Variants in DIP2C observed in about 807,000 individuals in gnomAD.
The protein encoded by DIP2C is DIP2 acetate--CoA ligase C (putative), also known as disco-interacting protein 2 homolog C.
DIP2C carries 33 observed loss-of-function variants against 192.4 expected under a neutral mutation model. The observed-to-expected ratio is 0.17, with a 90% CI of 0.13 to 0.23. The LOEUF (loss-of-function observed/expected upper bound fraction) is 0.23, where lower values mean the gene tolerates loss of function less well. Ranked by LOEUF, DIP2C falls within the 10% of genes least tolerant of loss-of-function variation. DIP2C has a pLI of 1.00. For missense variants in DIP2C, 1,537 were observed against 2,110.1 expected (o/e 0.73, Z 5.32); for synonymous variants, 979 against 864.1 (o/e 1.13, Z -2.33).
intron 1 of DIP2C, among the ~76,000 whole-genome samples, chr10:566,544 C>A (rs1849477489): frequency 6.6e-6 from 1 of 152,254 alleles, no homozygotes; most frequent in African/African-American, 2.4e-5. Context: ...GATAGCAACA[C>A]AGATGCTGCT....
At chr10:391,733 C>G (rs1425918490) in intron 10 of DIP2C, among the ~76,000 whole-genome samples, 3 of 152,212 alleles carry the variant, frequency 2.0e-5, no homozygotes, top group African/African-American at 7.2e-5. Context: ...TCTTCGCTCC[C>G]CAGATGGCTC....
intron 32 of DIP2C, among the ~76,000 whole-genome samples, chr10:294,918 A>G (rs924080724): frequency 2.0e-5 from 3 of 152,180 alleles, no homozygotes; most frequent in Admixed American, 2.0e-4. Context: ...CTCACCAGAC[A>G]GGGGATTAAT....
chr10:306,614 G>T (rs1956336720), intron 32 of DIP2C, among the ~76,000 whole-genome samples: 1 of 152,218 alleles, frequency 6.6e-6, no homozygotes, highest in Admixed American at 6.5e-5. Flanking sequence ...TTTATAGGAA[G>T]AGTAACAAGA....
At chr10:626,769 C>T (rs895129512) in intron 1 of DIP2C, among the ~76,000 whole-genome samples, 1 of 140,688 alleles carries the variant, frequency 7.1e-6, no homozygotes, top group African/African-American at 3.2e-5. Context: ...TCACTGTTGC[C>T]CAGGAAGGAT....
chr10:586,461 G>A (rs951269198), intron 1 of DIP2C, among the ~76,000 whole-genome samples: 10 of 145,638 alleles, frequency 6.9e-5, no homozygotes, highest in East Asian at 3.9e-4. Flanking sequence ...CCTACGTCAC[G>A]CCAGAGGCCA....
chr10:347,415 G>A (rs1371682817), intron 26 of DIP2C, among the ~76,000 whole-genome samples: 7 of 146,636 alleles, frequency 4.8e-5, no homozygotes, highest in Admixed American at 1.4e-4. Flanking sequence ...GACACATCGC[G>A]CATAGTTCTC....
Position 398,950 on chromosome 10 carries a change from C to G in DIP2C, c.1260+159G>C, listed in dbSNP as rs181699207. Among the ~76,000 whole-genome samples the G allele has an allele frequency of 2.0e-5, 3 of 152,334 alleles. No individual in the cohort carries two copies. The East Asian group carries it at 5.8e-4, about 29-fold the overall frequency. On this transcript the variant is annotated intron_variant, in intron 10 of 36. Transcript: ENST00000280886. ...TGCTCCACCTCCAGGACGCCCATCCCAGGCTGCAGGGCCCACTAGCGACCG... is the reference window on the plus strand; with the variant it reads ...TGCTCCACCTCCAGGACGCCCATCCGAGGCTGCAGGGCCCACTAGCGACCG...
Position 487,317 on chromosome 10 carries a change from A to G in DIP2C, c.86-787T>C, listed in dbSNP as rs555536027. On this transcript the variant is annotated intron_variant, in intron 1 of 36. Transcript: ENST00000280886. ...CAAACCATAATTCCAAGAAGAGTGA[A>G]AAATTCAAGCTTTAACAAAAATATA... is the stretch of plus-strand genomic sequence containing the variant. Among the ~76,000 whole-genome samples the G allele has an allele frequency of 1.0e-3, 157 of 152,346 alleles. 1 individual carries two copies. Among genetic ancestry groups the G allele is most frequent in the Middle Eastern group, 3.4e-3 (1 of 294 alleles).
intron 1 of DIP2C, chr10:650,291 G>T (rs1256279233): frequency 1.4e-6 from 1 of 716,862 alleles, no homozygotes; most frequent in Non-Finnish European, 2.6e-6. Flanking sequence ...GCGATTTCAG[G>T]GCCAGGGACC....
chr10:340,963 C>A, intron 29 of DIP2C: 2 of 637,922 alleles, frequency 3.1e-6, no homozygotes, highest in Non-Finnish European at 2.9e-6. Flanking sequence ...AGGTCCGCAA[C>A]AGACGGCTCT....
intron 1 of DIP2C, among the ~76,000 whole-genome samples, chr10:535,260 C>T (rs920366811): frequency 6.6e-6 from 1 of 152,064 alleles, no homozygotes; most frequent in African/African-American, 2.4e-5. Context: ...AACTTTCCTC[C>T]CTTGGTAAGA....
At chr10:508,855 G>T (rs1226097121) in intron 1 of DIP2C, among the ~76,000 whole-genome samples, 1 of 152,178 alleles carries the variant, frequency 6.6e-6, no homozygotes, top group Non-Finnish European at 1.5e-5. Context: ...CCCAAAAAAG[G>T]CATCACTCGA....
chr10:538,385 C>A (rs942387200), intron 1 of DIP2C, among the ~76,000 whole-genome samples: 2 of 152,246 alleles, frequency 1.3e-5, no homozygotes, highest in African/African-American at 4.8e-5. Flanking sequence ...AAACTCCTGG[C>A]CTCAAGGTAT....
intron 1 of DIP2C, chr10:663,061 A>G (rs766409934): frequency 1.6e-6 from 1 of 621,610 alleles, no homozygotes; most frequent in Non-Finnish European, 3.0e-6. Flanking sequence ...GCAGATGGTG[A>G]CCGTGACCCA....
At chr10:567,343 C>T (rs747891692) in intron 1 of DIP2C, among the ~76,000 whole-genome samples, 3 of 152,110 alleles carry the variant, frequency 2.0e-5, no homozygotes, top group Non-Finnish European at 4.4e-5. Context: ...AGGTGCATGC[C>T]ACCACACCCA....
intron 13 of DIP2C, among the ~76,000 whole-genome samples, chr10:389,477 G>A (rs1488601294): frequency 6.6e-6 from 1 of 152,164 alleles, no homozygotes; most frequent in Non-Finnish European, 1.5e-5. Flanking sequence ...CAGAGACTCT[G>A]ACTCAATTGG....
At chr10:544,399 T>C (rs1848170969) in intron 1 of DIP2C, among the ~76,000 whole-genome samples, 2 of 152,272 alleles carry the variant, frequency 1.3e-5, no homozygotes, top group Admixed American at 1.3e-4. Flanking sequence ...ATGAAGATTC[T>C]TGCATAAGAT....
chr10:621,997 C>A (rs1853880321), intron 1 of DIP2C, among the ~76,000 whole-genome samples: 1 of 151,728 alleles, frequency 6.6e-6, no homozygotes, highest in Admixed American at 6.6e-5. Context: ...TACCGTGTGT[C>A]TTAGTTTAAT....
intron 32 of DIP2C, among the ~76,000 whole-genome samples, chr10:305,797 A>T (rs1195628132): frequency 2.6e-5 from 4 of 151,988 alleles, no homozygotes; most frequent in Non-Finnish European, 4.4e-5. Context: ...GGCACATGCC[A>T]CCACACCTAG....
Sources: gnomAD v4.1 joint callset for allele counts (sites outside exome capture counted in the v4.1 genomes callset) on GRCh38, gnomAD v4.1.1 for gene constraint, MANE v1.5 for transcripts, NCBI Gene and HGNC (gene_info 2026-07-23, HGNC 2026-07-21) for gene names.